Variants in KIF26B observed in about 807,000 individuals in gnomAD.
KIF26B encodes the protein kinesin family member 26B.
In KIF26B, 63 loss-of-function variants were observed where a neutral mutation model predicts 151.2. The observed-to-expected ratio is 0.42, with a 90% CI of 0.34 to 0.51. The LOEUF is 0.51. Ranked by LOEUF, KIF26B falls within the 20% of genes least tolerant of loss-of-function variation. The pLI, the probability that KIF26B is intolerant of heterozygous loss-of-function variation, is 0.07. For synonymous variants in KIF26B, 1,357 were observed against 1,262.1 expected, an observed-to-expected ratio of 1.08 and a Z score of -1.59; for missense variants, 2,813 against 2,913.6, an observed-to-expected ratio of 0.97 and a Z score of 0.79.
intron 2 of KIF26B, among the ~76,000 whole-genome samples, chr1:245,157,772 C>T (rs1395213231): frequency 2.6e-5 from 4 of 152,172 alleles, no homozygotes; most frequent in Non-Finnish European, 2.9e-5. Flanking sequence ...ATACATCTGC[C>T]GTGACATCCC....
chr1:245,206,116 A>T (rs1437998116), intron 2 of KIF26B, among the ~76,000 whole-genome samples: 1 of 151,874 alleles, frequency 6.6e-6, no homozygotes, highest in Non-Finnish European at 1.5e-5. Flanking sequence ...CTCTTTGTTG[A>T]CTCATACCTT....
intron 10 of KIF26B, among the ~76,000 whole-genome samples, chr1:245,657,568 A>G (rs2044088424): frequency 6.6e-6 from 1 of 151,916 alleles, no homozygotes; most frequent in Non-Finnish European, 1.5e-5. Context: ...GATAGTTGAA[A>G]CCCTTTTGTG....
intron 2 of KIF26B, among the ~76,000 whole-genome samples, chr1:245,256,194 T>TC (rs1670530945): frequency 6.6e-6 from 1 of 152,136 alleles, no homozygotes; most frequent in African/African-American, 2.4e-5. Context: ...AAATCTAAGA[T>TC]CCTTCTCTTC....
chr1:245,388,006 TCCAG>T (rs927534333), intron 3 of KIF26B, among the ~76,000 whole-genome samples: 28 of 152,294 alleles, frequency 1.8e-4, no homozygotes, highest in African/African-American at 6.3e-4. Context: ...AACCTCTGGT[TCCAG>T]CCTTCCCCTT....
At chr1:245,503,930 T>C (rs574443325) in intron 4 of KIF26B, among the ~76,000 whole-genome samples, 2 of 152,316 alleles carry the variant, frequency 1.3e-5, no homozygotes, top group South Asian at 4.1e-4. Context: ...ATCCAAAGGC[T>C]GTCTGTAGAA....
At chr1:245,569,520 T>C (rs138970572) in intron 5 of KIF26B, among the ~76,000 whole-genome samples, 2,697 of 151,632 alleles carry the variant, frequency 0.018, 87 homozygotes, top group African/African-American at 0.059. Flanking sequence ...TGAGGCAGAA[T>C]TGCTTGAACC....
At chr1:245,169,377 T>C (rs1035284762) in intron 2 of KIF26B, among the ~76,000 whole-genome samples, 1 of 97,772 alleles carries the variant, frequency 1.0e-5, no homozygotes, top group Non-Finnish European at 2.4e-5. Flanking sequence ...GCAAGCACTT[T>C]GTGGAGGCCC....
rs182956039 is a variant in KIF26B at position 245,274,236 on chromosome 1, T to A, written c.466-92598T>A. On this transcript the variant is annotated intron_variant, in intron 2 of 14. Coordinates refer to ENST00000407071, the MANE Select transcript of KIF26B (RefSeq NM_018012.4). ...TATTTTTTATACTTTTGTCTTTTTTTAATTATACTTTAAGTTCTGGGATAC... is the reference window on the plus strand; with the variant it reads ...TATTTTTTATACTTTTGTCTTTTTTAAATTATACTTTAAGTTCTGGGATAC... Among the ~76,000 whole-genome samples the A allele has an allele frequency of 2.1e-3, 318 of 152,326 alleles. 1 individual carries two copies. The highest frequency in any genetic ancestry group is 7.5e-3 in the African/African-American group (312 of 41,562).
chr1:245,256,351 G>A (rs1451019333), intron 2 of KIF26B, among the ~76,000 whole-genome samples: 1 of 152,150 alleles, frequency 6.6e-6, no homozygotes, highest in Non-Finnish European at 1.5e-5. Context: ...CATTGTCTCA[G>A]GACACCTGGA....
intron 2 of KIF26B, among the ~76,000 whole-genome samples, chr1:245,208,881 C>T (rs999882815): frequency 3.9e-5 from 6 of 152,164 alleles, no homozygotes; most frequent in South Asian, 2.1e-4. Flanking sequence ...ACAGCAAAAA[C>T]GCTGTCACTG....
Position 245,366,829 on chromosome 1 carries a change from T to C in KIF26B, c.466-5T>C, listed in dbSNP as rs780104850. ...CTCCTCTCCCTCTGCTTCTGTGTTC[T>C]GTAGGACCCTGCTTTCTCGGCTGTG... is the stretch of plus-strand genomic sequence containing the variant. On this transcript the variant is annotated splice_region_variant and splice_polypyrimidine_tract_variant and intron_variant, in intron 2 of 14. Coordinates refer to ENST00000407071, the MANE Select transcript of KIF26B (RefSeq NM_018012.4). The C allele has an allele frequency of 1.2e-6, 2 of 1,613,654 alleles. No individual in the cohort carries two copies.
At chr1:245,474,350 C>T (rs1425600197) in intron 4 of KIF26B, among the ~76,000 whole-genome samples, 1 of 151,218 alleles carries the variant, frequency 6.6e-6, no homozygotes, top group Admixed American at 6.6e-5. Flanking sequence ...CCTCGTGATC[C>T]ACCTGCCTCA....
rs1668692267 is a variant in KIF26B at position 245,170,527 on chromosome 1, G to A, written c.465+13844G>A. ...GCTATAACAAAATACCACGAACTGG[G>A]TGGCTTATAAACAACAGAAATACTG... On this transcript the variant is annotated intron_variant, in intron 2 of 14. Transcript: ENST00000407071. This position sits in a 1 kb window ranked among gnomAD's most constrained non-coding sequence, Gnocchi z 4.4. 6.6e-6 allele frequency among the ~76,000 whole-genome samples: 1 copy of A among 152,150 alleles called. No individual in the cohort carries two copies. The highest frequency in any genetic ancestry group is 1.5e-5 in the Non-Finnish European group (1 of 68,028).
In KIF26B at chr1:245,524,853, G is replaced by A. The variant is rs373922381; in HGVS notation, c.1167-15914G>A. 6.3e-4 allele frequency among the ~76,000 whole-genome samples: 96 copies of A among 151,978 alleles called. 1 individual carries two copies. The highest frequency in any genetic ancestry group is 2.3e-3 in the African/African-American group (94 of 41,464). On this transcript the variant is annotated intron_variant, in intron 4 of 14. Transcript: ENST00000407071. ...TTCTCAACCCACTGAAATGTGCTCCGTGTTTCCTCTGATTCTGTTCAAGGT... is the reference window on the plus strand; with the variant it reads ...TTCTCAACCCACTGAAATGTGCTCCATGTTTCCTCTGATTCTGTTCAAGGT...
At chr1:245,554,161 G>C (rs12126922) in intron 5 of KIF26B, among the ~76,000 whole-genome samples, 48,458 of 151,838 alleles carry the variant, frequency 0.32, 8,319 homozygotes, top group Non-Finnish European at 0.38. Context: ...AGATTTCTCT[G>C]ATTAACCATT....
At chr1:245,509,899 A>T (rs1022719406) in intron 4 of KIF26B, among the ~76,000 whole-genome samples, 2 of 152,066 alleles carry the variant, frequency 1.3e-5, no homozygotes, top group Non-Finnish European at 2.9e-5. Flanking sequence ...TTCCTTAAAC[A>T]TCTTCACCGG....
intron 2 of KIF26B, among the ~76,000 whole-genome samples, chr1:245,359,523 C>A (rs114509532): frequency 2.0e-5 from 3 of 152,124 alleles, no homozygotes; most frequent in South Asian, 2.1e-4. Context: ...TGGAAATGAA[C>A]GCCTCTTGGA....
chr1:245,455,849 A>G (rs1659507440), intron 4 of KIF26B, among the ~76,000 whole-genome samples: 1 of 152,210 alleles, frequency 6.6e-6, no homozygotes, highest in African/African-American at 2.4e-5. Flanking sequence ...AGTGGAGGAC[A>G]TTCAGCCACT....
In KIF26B at chr1:245,433,889, C is replaced by T. The variant is rs143450612; in HGVS notation, c.1166+14144C>T. 5.8e-3 allele frequency among the ~76,000 whole-genome samples: 887 copies of T among 151,952 alleles called. 3 individuals are homozygous for T. The highest frequency in any genetic ancestry group is 9.0e-3 in the Non-Finnish European group (614 of 67,984). On this transcript the variant is annotated intron_variant, in intron 4 of 14. Coordinates refer to ENST00000407071, the MANE Select transcript of KIF26B (RefSeq NM_018012.4). ...GGTTTGTCCTTTTAAACCCCAGCAA[C>T]GGAAAGAAAGGGCCTTGGCAGTGAC...
Sources: allele counts gnomAD v4.1 joint callset (sites outside exome capture counted in the v4.1 genomes callset), GRCh38; gene constraint gnomAD v4.1.1; non-coding constraint Gnocchi (gnomAD v3.1); transcripts MANE v1.5; gene names NCBI Gene and HGNC (gene_info 2026-07-23, HGNC 2026-07-21).